Variants in MME observed in about 807,000 individuals in gnomAD.
MME encodes the protein membrane metalloendopeptidase, also known as neprilysin.
A neutral mutation model predicts 113.2 loss-of-function variants in MME; 98 were observed. The observed-to-expected ratio is 0.87, with a 90% CI of 0.74 to 1.02. MME has a LOEUF of 1.02. MME is among the 50% of genes least tolerant of loss of function. MME has a pLI of 0.00. For missense variants in MME, 836 were observed against 896.0 expected, an observed-to-expected ratio of 0.93 and a Z score of 0.86; for synonymous variants, 292 against 300.6, an observed-to-expected ratio of 0.97 and a Z score of 0.30.
intron 1 of MME, among the ~76,000 whole-genome samples, chr3:155,039,937 AT>A (rs201714878): frequency 3.9e-5 from 6 of 152,188 alleles, no homozygotes; most frequent in African/African-American, 7.2e-5. Flanking sequence ...TAAAGATAAA[AT>A]TTTTTTAACA....
At chr3:155,168,870 C>T in intron 20 of MME, 73 bp downstream of exon 20, 2 of 1,351,368 alleles carry the variant, frequency 1.5e-6, no homozygotes, top group South Asian at 2.6e-5. Flanking sequence ...CATTTAAAAC[C>T]TTTTGCAAAA....
intron 1 of MME, among the ~76,000 whole-genome samples, chr3:155,026,109 C>T (rs2108110063): frequency 1.3e-5 from 2 of 151,684 alleles, no homozygotes; most frequent in South Asian, 4.2e-4. Flanking sequence ...TTGATCTGTT[C>T]TGCTATAGGC....
rs1721873804 is a variant in MME, at chr3:155,150,904, A to G, written c.1601+2251A>G. On this transcript the variant is annotated intron_variant, in intron 16 of 22. Coordinates refer to ENST00000360490, the MANE Select transcript of MME (RefSeq NM_007289.4). ...TCAAATCATTAAGACTGAGCCCTAT[A>G]GGATACAACATGATCGAAGCTCCTC... 2.0e-5 allele frequency among the ~76,000 whole-genome samples: 3 copies of G among 152,190 alleles called. No homozygotes were observed. The South Asian group carries it at 6.2e-4, about 32-fold the overall frequency.
intron 3 of MME, chr3:155,089,886 G>A (rs1251994089): frequency 2.2e-6 from 1 of 451,360 alleles, no homozygotes; most frequent in Non-Finnish European, 4.5e-6. Context: ...CTTGAACCCA[G>A]GAGGCAGAGG....
chr3:155,093,360 G>A (rs1716453497), intron 3 of MME, among the ~76,000 whole-genome samples: 1 of 152,090 alleles, frequency 6.6e-6, no homozygotes, highest in Non-Finnish European at 1.5e-5. Context: ...AGGATTAGGT[G>A]TTGGAAGTCC....
At chr3:155,180,222 T>A in intron 22 of MME, 138 bp from the exon 23 acceptor site, 1 of 746,304 alleles carries the variant, frequency 1.3e-6, no homozygotes, top group East Asian at 2.6e-5. Context: ...ACTGACTCAT[T>A]GTACCAGGTT....
intron 7 of MME, among the ~76,000 whole-genome samples, chr3:155,117,567 TAA>T (rs1718723500): frequency 6.6e-6 from 1 of 150,456 alleles, no homozygotes. Context: ...CTGAAAAATA[TAA>T]AGAGTTTTTC....
intron 3 of MME, among the ~76,000 whole-genome samples, chr3:155,106,497 G>A (rs1019255889): frequency 7.2e-5 from 11 of 152,142 alleles, no homozygotes; most frequent in South Asian, 2.1e-4. Context: ...TAGAGTCTAC[G>A]TGCTTGCTAG....
At chr3:155,169,600 G>A (rs1711683271) in intron 20 of MME, among the ~76,000 whole-genome samples, 1 of 152,138 alleles carries the variant, frequency 6.6e-6, no homozygotes, top group South Asian at 2.1e-4. Context: ...CAACAAAAAG[G>A]AATGAAGATG....
chr3:155,141,829 A>G (rs143140842), intron 10 of MME, among the ~76,000 whole-genome samples, 162 bp from the exon 11 acceptor site: 21 of 152,166 alleles, frequency 1.4e-4, no homozygotes, highest in Non-Finnish European at 2.8e-4. Context: ...TAGGTAAATA[A>G]TCATGTTGCA....
chr3:155,126,158 T>G (rs1330819929), intron 8 of MME, among the ~76,000 whole-genome samples: 15 of 152,172 alleles, frequency 9.9e-5, no homozygotes. Flanking sequence ...TACAATCTAG[T>G]TGCTGTGTGG....
intron 1 of MME, among the ~76,000 whole-genome samples, chr3:155,036,002 C>T (rs1034810461): frequency 6.6e-5 from 10 of 151,934 alleles, no homozygotes; most frequent in African/African-American, 2.2e-4. Context: ...TACCTTGAAC[C>T]AGTATAGTTG....
intron 3 of MME, among the ~76,000 whole-genome samples, chr3:155,086,911 C>T (rs4467412): frequency 0.12 from 18,279 of 152,086 alleles, 1,133 homozygotes; most frequent in Non-Finnish European, 0.14. Context: ...CTCAAGGCAT[C>T]CTCCTGCCTG....
At position 155,166,878 on chromosome 3, in the gene MME, TCTAA is replaced by T. The variant is rs777676826; in HGVS notation, c.1661-20_1661-17del. On this transcript the variant is annotated intron_variant, in intron 17 of 22. Coordinates refer to ENST00000360490, the MANE Select transcript of MME (RefSeq NM_007289.4). ...TTAAAAACTTATGCCACAAATAATC[TCTAA>T]CTATCTTCTCTCCTTGTAGTCTTCC... The T allele has an allele frequency of 2.5e-6, 4 of 1,613,364 alleles. No individual in the cohort carries two copies. Among genetic ancestry groups the T allele is most frequent in the East Asian group, 2.2e-5 (1 of 44,798 alleles).
intron 3 of MME, among the ~76,000 whole-genome samples, chr3:155,088,091 C>T (rs1467524353): frequency 6.6e-6 from 1 of 152,116 alleles, no homozygotes; most frequent in Non-Finnish European, 1.5e-5. Flanking sequence ...TCTGTTGGTT[C>T]ACAAGCCATT....
Position 155,180,572 on chromosome 3 carries a change from G to A in MME, c.*113G>A, listed in dbSNP as rs1712996189. The stretch of plus-strand genomic sequence containing the variant: ...GGGGTCACTGTACTGACTTGAGGGT[G>A]ATTAACAGAGAGGGCACCATCACAA... On this transcript the variant is annotated 3_prime_UTR_variant, in exon 23 of 23. Transcript: ENST00000360490. 1.3e-6 allele frequency: 1 copy of A among 795,320 alleles called. No homozygotes were observed. Among genetic ancestry groups the A allele is most frequent in the Non-Finnish European group, 2.2e-6 (1 of 444,892 alleles). The allele number at this position is 795,320 out of a possible 1,614,324, so 49.3% of individuals were successfully genotyped here. A position where few individuals can be genotyped will look rare whatever the true frequency, so the allele number is the denominator to read the frequency against.
intron 16 of MME, chr3:155,158,666 C>G (rs1027766984): frequency 6.6e-6 from 1 of 152,032 alleles, no homozygotes; most frequent in Non-Finnish European, 1.5e-5. Flanking sequence ...TGTTCTACAT[C>G]GTTTCTGATC....
At chr3:155,101,900 AAT>A (rs1340323403) in intron 3 of MME, among the ~76,000 whole-genome samples, 7 of 152,172 alleles carry the variant, frequency 4.6e-5, no homozygotes, top group Non-Finnish European at 8.8e-5. Flanking sequence ...ATGGAAAAAA[AAT>A]GTTTCTTCAT....
At chr3:155,042,004 G>A (rs187515710) in intron 1 of MME, among the ~76,000 whole-genome samples, 1 of 152,202 alleles carries the variant, frequency 6.6e-6, no homozygotes, top group Admixed American at 6.5e-5. Flanking sequence ...ATCGAACTTT[G>A]TCATTTTATA....
Sources: gnomAD v4.1 joint callset for allele counts (sites outside exome capture counted in the v4.1 genomes callset) on GRCh38, gnomAD v4.1.1 for gene constraint, MANE v1.5 for transcripts, NCBI Gene and HGNC (gene_info 2026-07-23, HGNC 2026-07-21) for gene names.